NEMP1: variants seen among roughly 807,000 people sequenced by gnomAD.
The protein encoded by NEMP1 is nuclear envelope integral membrane protein 1.
In NEMP1, 29 loss-of-function variants were observed where a neutral mutation model predicts 53.7. That is an observed-to-expected ratio of 0.54 (90% CI 0.40 to 0.74). NEMP1 has a LOEUF of 0.74. Among genes scored for constraint, NEMP1 ranks in the 30% least tolerant of loss-of-function variants. The probability of loss-of-function intolerance (pLI) is 0.00; values close to 1 mark genes in which losing one functional copy is unlikely to be tolerated. For missense variants in NEMP1, 477 were observed against 528.6 expected, an observed-to-expected ratio of 0.90 and a Z score of 0.96; for synonymous variants, 193 against 192.9, an observed-to-expected ratio of 1.00 and a Z score of 0.00.
At chr12:57,070,304 C>T (rs1490468906) in intron 3 of NEMP1, among the ~76,000 whole-genome samples, 1 of 152,242 alleles carries the variant, frequency 6.6e-6, no homozygotes, top group Non-Finnish European at 1.5e-5. Flanking sequence ...GGCATGTACA[C>T]ATCAGACAGT....
In NEMP1 at chr12:57,075,113, G is replaced by A. The variant is rs145695154; in HGVS notation, c.128-2201C>T. On this transcript the variant is annotated intron_variant, in intron 1 of 8. Coordinates refer to ENST00000300128, the MANE Select transcript of NEMP1 (RefSeq NM_001130963.2). ...CAAAAAAATAAATAAGGGGCTGGGC[G>A]CCGTGGCTCACACCTGTAATCCCAC... 3.7e-3 allele frequency among the ~76,000 whole-genome samples: 538 copies of A among 147,382 alleles called. 4 individuals are homozygous for A. Among genetic ancestry groups the A allele is most frequent in the African/African-American group, 0.013 (510 of 39,808 alleles).
Position 57,058,208 on chromosome 12 carries a change from G to C in NEMP1, c.*1671C>G, listed in dbSNP as rs557560067. 6.6e-6 allele frequency: 1 copy of C among 152,300 alleles called. No homozygotes were observed. Among genetic ancestry groups the C allele is most frequent in the South Asian group, 2.1e-4 (1 of 4,832 alleles). The allele number at this position is 152,300 out of a possible 1,614,324, so 9.4% of individuals were successfully genotyped here. ...ACAGTTTAAGGCTCTGGAAAACACT[G>C]GTGGAAATAATCAACTGCCCACCTG... On this transcript the variant is annotated 3_prime_UTR_variant, in exon 9 of 9. Transcript: ENST00000300128.
In NEMP1 at chr12:57,063,139, C is replaced by T. The variant is rs1343782460; in HGVS notation, c.960G>A (p.Gln320=). The T allele has an allele frequency of 1.2e-6, 2 of 1,613,800 alleles. No individual in the cohort carries two copies. Among genetic ancestry groups the T allele is most frequent in the Non-Finnish European group, 1.7e-6 (2 of 1,179,694 alleles). The change falls in exon 7 of 9, where the codon CAG becomes CAA. Residue 320 remains glutamine (Q), a synonymous_variant. Transcript: ENST00000300128. ...GTCACCTGCAGGTGATGTACAGCCACTGAATAGGGTGTTCCAGGTTCTTAG... is the reference window on the plus strand; with the variant it reads ...GTCACCTGCAGGTGATGTACAGCCATTGAATAGGGTGTTCCAGGTTCTTAG... ...LCTKNLEHPI[Q]WLYITCRKVC...
chr12:57,067,179 C>T (rs2032126073), intron 4 of NEMP1, among the ~76,000 whole-genome samples: 1 of 152,076 alleles, frequency 6.6e-6, no homozygotes, highest in Non-Finnish European at 1.5e-5. Context: ...AAAAAATTAG[C>T]TGCACGTGGT....
intron 1 of NEMP1, among the ~76,000 whole-genome samples, chr12:57,084,505 C>CGGCATGGGGG (rs2032937339): frequency 6.6e-6 from 1 of 152,146 alleles, no homozygotes; most frequent in Non-Finnish European, 1.5e-5. Flanking sequence ...TTCTTTCCCC[C>CGGCATGGGGG]CATGCCAGTG....
intron 1 of NEMP1, among the ~76,000 whole-genome samples, chr12:57,086,633 T>C (rs1481621912): frequency 6.6e-6 from 1 of 152,220 alleles, no homozygotes; most frequent in Non-Finnish European, 1.5e-5. Context: ...TGGAAATTCC[T>C]TGTTCTCAAC....
At chr12:57,062,346 G>T (rs2031850285) in intron 7 of NEMP1, among the ~76,000 whole-genome samples, 1 of 152,032 alleles carries the variant, frequency 6.6e-6, no homozygotes, top group Non-Finnish European at 1.5e-5. Flanking sequence ...CAGGCATAGT[G>T]GCGCCCACCC....
upstream of NEMP1, among the ~76,000 whole-genome samples, chr12:57,088,439 A>C (rs1398126549): frequency 6.6e-6 from 1 of 152,172 alleles, no homozygotes; most frequent in Non-Finnish European, 1.5e-5. Context: ...CCTTAAGTGC[A>C]CACTATACGG....
rs778035876 is a variant in NEMP1 at position 57,078,668 on chromosome 12, C to A, written c.78G>T (p.Gly26=). 1.4e-5 allele frequency: 22 copies of A among 1,613,376 alleles called. No homozygotes were observed. Among genetic ancestry groups the A allele is most frequent in the Non-Finnish European group, 1.9e-5 (22 of 1,179,706 alleles). ...GPWGSGVGGG[G]TVRLLLILSG... ...AGAGGATCAAGAGTAGCCGCACTGT[C>A]CCACCGCCCCCGACTCCCGAGCCCC... The change falls in exon 1 of 9, where the codon GGG becomes GGT. Residue 26 remains glycine (G), a synonymous_variant. Transcript: ENST00000300128.
intron 1 of NEMP1, among the ~76,000 whole-genome samples, chr12:57,085,316 A>T (rs1000430047): frequency 6.6e-6 from 1 of 152,042 alleles, no homozygotes; most frequent in Non-Finnish European, 1.5e-5. Context: ...AAGTGCTATG[A>T]TTACAGGTGT....
In NEMP1 at chr12:57,069,250, C is replaced by A. The variant is rs1313916749; in HGVS notation, c.529G>T (p.Gly177Ter). 6.5e-7 allele frequency: 1 copy of A among 1,546,728 alleles called. No individual in the cohort carries two copies. The highest frequency in any genetic ancestry group is 8.7e-7 in the Non-Finnish European group (1 of 1,145,748). Residue 177 changes from glycine to a stop codon, truncating the protein, a stop_gained, in exon 4 of 9, where the codon GGA becomes TGA. Coordinates refer to ENST00000300128, the MANE Select transcript of NEMP1 (RefSeq NM_001130963.2). LOFTEE classifies it high-confidence loss of function. ...FLLGLMLFFC[G>*]DLLSRSQIFY... ...GGAACCTACCTGCTCAGCAAGTCTCCACAAAAAAATAGCATAAGTCCAAGA... is the reference window on the plus strand; with the variant it reads ...GGAACCTACCTGCTCAGCAAGTCTCAACAAAAAAATAGCATAAGTCCAAGA...
At chr12:57,075,176 G>A (rs1350979473) in intron 1 of NEMP1, among the ~76,000 whole-genome samples, 1 of 151,502 alleles carries the variant, frequency 6.6e-6, no homozygotes, top group African/African-American at 2.4e-5. Flanking sequence ...CACCAGGTCA[G>A]CAGATTGAAA....
chr12:57,066,079 C>T (rs2032059600), intron 4 of NEMP1, among the ~76,000 whole-genome samples: 1 of 151,862 alleles, frequency 6.6e-6, no homozygotes, highest in South Asian at 2.1e-4. Context: ...ACGGTGAAAC[C>T]CTGTCTCTAC....
At chr12:57,062,479 C>CA (rs146709037) in intron 7 of NEMP1, among the ~76,000 whole-genome samples, 10 of 145,568 alleles carry the variant, frequency 6.9e-5, no homozygotes, top group African/African-American at 1.0e-4. Context: ...GACTCTGTCT[C>CA]AAAAAAAAAA....
chr12:57,056,561 G>A lies in NEMP1; in HGVS notation c.*3318C>T, dbSNP rs914427661. 3.3e-5 allele frequency: 5 copies of A among 152,082 alleles called. No homozygotes were observed. The highest frequency in any genetic ancestry group is 6.5e-5 in the Admixed American group (1 of 15,268). The allele number at this position is 152,082 out of a possible 1,614,324, so 9.4% of individuals were successfully genotyped here. A position where few individuals can be genotyped will look rare whatever the true frequency, so the allele number is the denominator to read the frequency against. On this transcript the variant is annotated 3_prime_UTR_variant, in exon 9 of 9. Transcript: ENST00000300128. ...GACTTGAGTCCAGAGAATACTAGAA[G>A]GACATTTAATTTCCTTTCCTCCTCC...
At chr12:57,078,816 G>A, upstream of NEMP1, 1 of 1,522,468 alleles carries the variant, frequency 6.6e-7, no homozygotes, top group Non-Finnish European at 8.9e-7. Flanking sequence ...AACGACAGCA[G>A]CCTATCCTCT....
chr12:57,077,070 T>C (rs973118154), intron 1 of NEMP1, among the ~76,000 whole-genome samples: 2 of 151,848 alleles, frequency 1.3e-5, no homozygotes, highest in East Asian at 1.9e-4. Flanking sequence ...TGGAGGCTCA[T>C]GCCTGTAATC....
Position 57,064,107 on chromosome 12 carries a change from G to T in NEMP1, c.718C>A (p.Gln240Lys). The T allele has an allele frequency of 6.2e-7, 1 of 1,610,464 alleles. No homozygotes were observed. The change falls in exon 6 of 9, where the codon CAA becomes AAA. Residue 240 changes from glutamine (Q) to lysine (K), a missense_variant. Transcript: ENST00000300128. ...YLIQLVFKNL[Q>K]EIWRCYWQYL... ...TGCCAGTAACACCTCCAGATCTCTT[G>T]TAAATTTTTAAAAACTAGTTGAATG...
At chr12:57,064,603 A>C (rs2031982336) in intron 5 of NEMP1, 43 bp downstream of exon 5, 2 of 1,470,152 alleles carry the variant, frequency 1.4e-6, no homozygotes, top group African/African-American at 2.8e-5. Flanking sequence ...TCCTTCAGCT[A>C]TCCAAATTCA....
Sources: allele counts gnomAD v4.1 joint callset (sites outside exome capture counted in the v4.1 genomes callset), GRCh38; gene constraint gnomAD v4.1.1; transcripts MANE v1.5; gene names NCBI Gene and HGNC (gene_info 2026-07-23, HGNC 2026-07-21).